CTNNA3: variants seen among roughly 807,000 people sequenced by gnomAD.
The protein encoded by CTNNA3 is catenin alpha-3.
In CTNNA3, 76 loss-of-function variants were observed where a neutral mutation model predicts 95.7. The observed-to-expected ratio is 0.79, with a 90% CI of 0.66 to 0.96. The LOEUF (loss-of-function observed/expected upper bound fraction) is 0.96. Ranked by LOEUF, CTNNA3 falls within the 40% of genes least tolerant of loss-of-function variation. The probability of loss-of-function intolerance (pLI) is 0.00; values close to 1 mark genes in which losing one functional copy is unlikely to be tolerated. For missense variants in CTNNA3, 1,191 were observed against 1,089.8 expected (o/e 1.09, Z -1.31); for synonymous variants, 431 against 374.4 (o/e 1.15, Z -1.74).
chr10:66,028,441 T>C (rs1364024586), intron 15 of CTNNA3, among the ~76,000 whole-genome samples: 1 of 152,146 alleles, frequency 6.6e-6, no homozygotes, highest in Non-Finnish European at 1.5e-5. Context: ...TCATGTCCTT[T>C]GTAAGGACAT....
intron 7 of CTNNA3, among the ~76,000 whole-genome samples, chr10:66,776,310 G>C (rs1325001432): frequency 6.6e-6 from 1 of 152,126 alleles, no homozygotes; most frequent in Non-Finnish European, 1.5e-5. Context: ...TAGGAAAATT[G>C]CTGCTGTTTA....
chr10:67,413,212 T>C (rs1300401515), intron 5 of CTNNA3, among the ~76,000 whole-genome samples: 1 of 152,118 alleles, frequency 6.6e-6, no homozygotes, highest in Non-Finnish European at 1.5e-5. Context: ...CATTCATTCA[T>C]TCTTCATCAT....
intron 13 of CTNNA3, among the ~76,000 whole-genome samples, chr10:66,186,831 C>CA (rs1003640877): frequency 4.6e-5 from 7 of 151,264 alleles, no homozygotes; most frequent in Admixed American, 6.6e-5. Flanking sequence ...AAGAACACTG[C>CA]AAAAAAAAGG....
At chr10:67,682,689 T>C (rs1224998164) in intron 1 of CTNNA3, among the ~76,000 whole-genome samples, 1 of 152,170 alleles carries the variant, frequency 6.6e-6, no homozygotes, top group Non-Finnish European at 1.5e-5. Flanking sequence ...AATTTTAAAA[T>C]AAACATTCCC....
At chr10:67,460,191 C>A (rs1487235941) in intron 5 of CTNNA3, among the ~76,000 whole-genome samples, 1 of 152,096 alleles carries the variant, frequency 6.6e-6, no homozygotes, top group Non-Finnish European at 1.5e-5. Context: ...AAAGCACTTT[C>A]CTATGGCTTT....
chr10:66,286,714 G>A (rs2091595442), intron 12 of CTNNA3, among the ~76,000 whole-genome samples: 1 of 152,004 alleles, frequency 6.6e-6, no homozygotes, highest in Non-Finnish European at 1.5e-5. Context: ...TTTGACCAGT[G>A]GTGTTGAATG....
chr10:66,689,280 T>G (rs574738581), intron 9 of CTNNA3, among the ~76,000 whole-genome samples: 1 of 152,288 alleles, frequency 6.6e-6, no homozygotes, highest in South Asian at 2.1e-4. Context: ...GAAGCAGAAC[T>G]GAGTATCAAG....
rs149284165 is a variant in CTNNA3, at chr10:65,978,450, G to T, written c.2265+10242C>A. Among the ~76,000 whole-genome samples the T allele has an allele frequency of 6.6e-3, 979 of 147,850 alleles. 11 individuals carry two copies. The highest frequency in any genetic ancestry group is 0.023 in the African/African-American group (942 of 40,220). On this transcript the variant is annotated intron_variant, in intron 16 of 17. Transcript: ENST00000433211. ...TAAGCATTTTTTTTTTTCCTTGCAC[G>T]TGTTGTTGTTCTCAGCTTTTGTTCC...
intron 9 of CTNNA3, among the ~76,000 whole-genome samples, chr10:66,640,385 G>A (rs1845475666): frequency 1.3e-5 from 2 of 152,108 alleles, no homozygotes; most frequent in South Asian, 4.1e-4. Flanking sequence ...AGTGAGTTGG[G>A]ATTACAAAGG....
At chr10:66,017,296 A>T (rs561712946) in intron 15 of CTNNA3, among the ~76,000 whole-genome samples, 2 of 152,242 alleles carry the variant, frequency 1.3e-5, no homozygotes, top group East Asian at 3.9e-4. Context: ...GTGATAAAAC[A>T]GATACAAAAG....
chr10:67,752,030 C>G (rs1448650511), intron 1 of CTNNA3, among the ~76,000 whole-genome samples: 2 of 152,028 alleles, frequency 1.3e-5, no homozygotes, highest in East Asian at 3.9e-4. Flanking sequence ...AAAAAGAAAA[C>G]TTCGGGCCGA....
chr10:66,233,092 G>A (rs1175992825), intron 13 of CTNNA3, among the ~76,000 whole-genome samples: 2 of 145,672 alleles, frequency 1.4e-5, no homozygotes, highest in African/African-American at 2.5e-5. Context: ...CCCGGGAGGC[G>A]GAGCTTGTAG....
intron 7 of CTNNA3, among the ~76,000 whole-genome samples, chr10:67,156,755 A>T (rs374232368): frequency 6.6e-6 from 1 of 152,034 alleles, no homozygotes; most frequent in African/African-American, 2.4e-5. Flanking sequence ...AAGAATGTAT[A>T]TTCTGTTGTT....
Position 65,920,380 on chromosome 10 carries a change from T to C in CTNNA3, c.2638A>G (p.Ile880Val), listed in dbSNP as rs2077063720. ...AVRRGSAKKKIHPLQVMSEFR... is the reference protein window; with the variant it reads ...AVRRGSAKKKVHPLQVMSEFR... ...TCACTCATGACTTGCAATGGATGGATTTTTTTCTTTGCTGAGCCTCGTCTG... is the reference window on the plus strand; with the variant it reads ...TCACTCATGACTTGCAATGGATGGACTTTTTTCTTTGCTGAGCCTCGTCTG... The change falls in exon 18 of 18, where the codon ATC (isoleucine) becomes GTC (valine). Residue 880 changes from isoleucine (I) to valine (V), a missense_variant. Transcript: ENST00000433211. 1 of 1,613,902 alleles carries C rather than the reference T, an allele frequency of 6.2e-7. No individual in the cohort carries two copies. Among genetic ancestry groups the C allele is most frequent in the South Asian group, 1.1e-5 (1 of 91,092 alleles).
chr10:65,920,502 G>C lies in CTNNA3; in HGVS notation c.2516C>G (p.Ala839Gly). 12 of 1,614,096 alleles carry C rather than the reference G, an allele frequency of 7.4e-6. No individual in the cohort carries two copies. Among genetic ancestry groups the C allele is most frequent in the Non-Finnish European group, 1.0e-5 (12 of 1,180,022 alleles). ...CATCACAACTGGGTGCCGGGGCCCA[G>C]CAGGACTCTGGATTCGGATGATCTT... ...STKIIRIQSP[A>G]GPRHPVVMWR... Residue 839 changes from alanine (A) to glycine (G), a missense_variant, in exon 18 of 18, where the codon GCT (alanine) becomes GGT (glycine). Coordinates refer to ENST00000433211, the MANE Select transcript of CTNNA3 (RefSeq NM_013266.4).
chr10:67,329,688 C>T (rs192391024), intron 5 of CTNNA3, among the ~76,000 whole-genome samples: 9 of 152,234 alleles, frequency 5.9e-5, no homozygotes, highest in East Asian at 3.9e-4. Flanking sequence ...CAAATATTTA[C>T]GGAGGGCTTA....
intron 1 of CTNNA3, among the ~76,000 whole-genome samples, chr10:67,744,988 T>A (rs980979078): frequency 7.2e-5 from 11 of 151,986 alleles, no homozygotes; most frequent in Admixed American, 7.2e-4. Flanking sequence ...AGAATGGTGA[T>A]CATTAAAAAG....
chr10:67,365,850 A>G (rs1355160617), intron 5 of CTNNA3, among the ~76,000 whole-genome samples: 2 of 152,190 alleles, frequency 1.3e-5, no homozygotes, highest in East Asian at 1.9e-4. Flanking sequence ...TAGAAATACC[A>G]TTTGACCCAG....
chr10:66,511,034 A>C (rs988069935), intron 11 of CTNNA3, among the ~76,000 whole-genome samples: 11 of 151,534 alleles, frequency 7.3e-5, no homozygotes, highest in African/African-American at 2.2e-4. Flanking sequence ...TTCTTTTTTG[A>C]GAGACTTTTT....
Sources: gnomAD v4.1 joint callset for allele counts (sites outside exome capture counted in the v4.1 genomes callset) on GRCh38, gnomAD v4.1.1 for gene constraint, MANE v1.5 for transcripts, NCBI Gene and HGNC (gene_info 2026-07-23, HGNC 2026-07-21) for gene names.